The following MRGBP variants were observed in gnomAD, a reference collection of about 807,000 sequenced individuals.
MRGBP encodes MRG/MORF4L-binding protein.
Under a neutral mutation model 21.5 loss-of-function variants are expected in MRGBP, and 5 were observed. The observed-to-expected ratio is 0.23, with a 90% CI of 0.12 to 0.49. MRGBP has a LOEUF of 0.49. MRGBP is among the 20% of genes least tolerant of loss of function. The pLI is 0.98. For synonymous variants in MRGBP, 118 were observed against 104.4 expected (o/e 1.13, Z -0.79); for missense variants, 227 against 277.4 (o/e 0.82, Z 1.29).
In MRGBP at chr20:62,799,610, C is replaced by T. The variant is rs1254243814; in HGVS notation, c.582C>T (p.Ser194=). The change falls in exon 5 of 5, where the codon TCC becomes TCT. Residue 194 remains serine (S), a synonymous_variant. Transcript: ENST00000370487. ...DKVLTANSNP[S]SPSAAKRRRT is the part of the protein sequence containing the mutation. ...TCCTGACCGCAAACAGCAACCCTTC[C>T]AGTCCCAGTGCTGCCAAGCGGCGCC... is the stretch of plus-strand genomic sequence containing the variant. The T allele has an allele frequency of 3.7e-6, 6 of 1,613,352 alleles. No homozygotes were observed. The African/African-American group carries it at 5.3e-5, about 14-fold the overall frequency.
intron 2 of MRGBP, among the ~76,000 whole-genome samples, chr20:62,797,858 G>A (rs1448100796): frequency 6.6e-6 from 1 of 152,194 alleles, no homozygotes; most frequent in East Asian, 1.9e-4. Context: ...AGGCCCTGTG[G>A]CAGCAGGAGG....
rs1370777469 is a variant in MRGBP at position 62,801,222 on chromosome 20, C to G, written c.*1579C>G. The G allele has an allele frequency of 1.3e-5, 2 of 152,220 alleles. No individual in the cohort carries two copies. The highest frequency in any genetic ancestry group is 6.5e-5 in the Admixed American group (1 of 15,280). 9.4% of individuals were successfully genotyped at this position (152,220 alleles called of 1,614,324 possible). On this transcript the variant is annotated 3_prime_UTR_variant, in exon 5 of 5. Coordinates refer to ENST00000370487, the MANE Select transcript of MRGBP (RefSeq NM_018270.6). ...TCTACGGCCTGCCTGAGCTGTATTC[C>G]AAGGGTAGAGCAGCTGCCTGGGGGG...
chr20:62,798,107 C>T lies in MRGBP; in HGVS notation c.271-480C>T, dbSNP rs533946654. Among the ~76,000 whole-genome samples the T allele has an allele frequency of 7.2e-5, 11 of 152,318 alleles. No homozygotes were observed. The South Asian group carries it at 8.3e-4, about 11-fold the overall frequency. ...TCTTTGCCTGGTTCTGTGCCTGTGGCGCTCCCAACCGACACCCTCGGTGTC... is the reference window on the plus strand; with the variant it reads ...TCTTTGCCTGGTTCTGTGCCTGTGGTGCTCCCAACCGACACCCTCGGTGTC... On this transcript the variant is annotated intron_variant, in intron 2 of 4. Coordinates refer to ENST00000370487, the MANE Select transcript of MRGBP (RefSeq NM_018270.6).
At position 62,796,509 on chromosome 20, in the gene MRGBP, G is replaced by A. The variant is rs1017728704; in HGVS notation, c.-15G>A. On this transcript the variant is annotated 5_prime_UTR_variant, in exon 1 of 5. Transcript: ENST00000370487. Reference sequence around the variant, plus strand: ...TGCTCCCGCCGGGGGCTCCTTGCTCGGCCGGGCCGCGGCCATGGGAGAGGC... The same window carrying A: ...TGCTCCCGCCGGGGGCTCCTTGCTCAGCCGGGCCGCGGCCATGGGAGAGGC... 1.6e-5 allele frequency: 18 copies of A among 1,138,636 alleles called. No homozygotes were observed. Among genetic ancestry groups the A allele is most frequent in the Non-Finnish European group, 1.9e-5 (18 of 928,034 alleles). The allele number at this position is 1,138,636 out of a possible 1,614,324, so 70.5% of individuals were successfully genotyped here.
intron 1 of MRGBP, 80 bp downstream of exon 1, chr20:62,796,751 C>G (rs1259558862): frequency 1.7e-5 from 20 of 1,152,870 alleles, no homozygotes; most frequent in Non-Finnish European, 2.1e-5. Context: ...CTCGCGACAC[C>G]CTCGCCCCCA....
chr20:62,798,538 C>T (rs371337407), intron 2 of MRGBP, 49 bp from the exon 3 acceptor site: 1 of 1,520,472 alleles, frequency 6.6e-7, no homozygotes, highest in African/African-American at 1.4e-5. Flanking sequence ...CTTCTTGAAA[C>T]TGCATCTTCA....
At position 62,799,577 on chromosome 20, in the gene MRGBP, C is replaced by G. The variant is rs41279360; in HGVS notation, c.549C>G (p.Thr183=). ...GADKRKRSRV[T]DKVLTANSNP... is the part of the protein sequence containing the mutation. ...ACAAGCGGAAGCGCAGCCGGGTCAC[C>G]GACAAAGTCCTGACCGCAAACAGCA... The change falls in exon 5 of 5, where the codon ACC becomes ACG. Residue 183 remains threonine (T), a synonymous_variant. Coordinates refer to ENST00000370487, the MANE Select transcript of MRGBP (RefSeq NM_018270.6). The G allele has an allele frequency of 6.2e-7, 1 of 1,613,714 alleles. No individual in the cohort carries two copies. The highest frequency in any genetic ancestry group is 1.1e-5 in the South Asian group (1 of 91,088).
At position 62,799,679 on chromosome 20, in the gene MRGBP, G is replaced by T; in HGVS notation, c.*36G>T. ...CTGGTGGCGGCAGAGAAGCGGGCGA[G>T]GCACTGTGGTCGCTGAGGGGGTTGG... On this transcript the variant is annotated 3_prime_UTR_variant, in exon 5 of 5. Transcript: ENST00000370487. The T allele has an allele frequency of 6.3e-7, 1 of 1,584,864 alleles. No homozygotes were observed. The highest frequency in any genetic ancestry group is 8.6e-7 in the Non-Finnish European group (1 of 1,164,894).
At position 62,797,199 on chromosome 20, in the gene MRGBP, C is replaced by T; in HGVS notation, c.238C>T (p.His80Tyr). The T allele has an allele frequency of 6.2e-7, 1 of 1,602,064 alleles. No individual in the cohort carries two copies. The highest frequency in any genetic ancestry group is 8.5e-7 in the Non-Finnish European group (1 of 1,175,544). Reference protein sequence around the residue: ...RQVPSKVIWDHLSTMYDMQAL... With the variant: ...RQVPSKVIWDYLSTMYDMQAL... Reference sequence around the variant, plus strand: ...GGTCCCATCCAAGGTCATCTGGGACCATCTGAGCACCATGTACGACATGCA... The same window carrying T: ...GGTCCCATCCAAGGTCATCTGGGACTATCTGAGCACCATGTACGACATGCA... The change falls in exon 2 of 5, where the codon CAT becomes TAT. Residue 80 changes from histidine to tyrosine, a missense_variant. Transcript: ENST00000370487.
chr20:62,797,018 C>T, intron 1 of MRGBP, 92 bp from the exon 2 acceptor site: 1 of 1,330,106 alleles, frequency 7.5e-7, no homozygotes. Flanking sequence ...CCGCAGCCAC[C>T]CTTGCCCCTC....
chr20:62,797,836 G>A (rs1385689349), intron 2 of MRGBP, among the ~76,000 whole-genome samples: 1 of 152,200 alleles, frequency 6.6e-6, no homozygotes, highest in Non-Finnish European at 1.5e-5. Context: ...AGAAGAGACA[G>A]GTGGGTGTTC....
chr20:62,799,472 G>A lies in MRGBP; in HGVS notation c.444G>A (p.Gly148=). 1 of 1,612,084 alleles carries A rather than the reference G, an allele frequency of 6.2e-7. No homozygotes were observed. The highest frequency in any genetic ancestry group is 8.5e-7 in the Non-Finnish European group (1 of 1,179,130). The part of the protein sequence containing the change: ...NGADDVFSSS[G]SLGKASEKSS... ...GTTTCTCAGTTTTTTCATCTTCAGGGAGTTTGGGGAAAGCATCAGAAAAAT... is the reference window on the plus strand; with the variant it reads ...GTTTCTCAGTTTTTTCATCTTCAGGAAGTTTGGGGAAAGCATCAGAAAAAT... The change falls in exon 5 of 5, where the codon GGG becomes GGA. Residue 148 remains glycine, a synonymous_variant. Transcript: ENST00000370487.
chr20:62,800,531 C>T lies in MRGBP; in HGVS notation c.*888C>T, dbSNP rs190972715. 6.6e-6 allele frequency: 1 copy of T among 152,242 alleles called. No homozygotes were observed. The highest frequency in any genetic ancestry group is 1.5e-5 in the Non-Finnish European group (1 of 68,022). The allele number at this position is 152,242 out of a possible 1,614,324, so 9.4% of individuals were successfully genotyped here. ...TGTCGGCTGATGAGGAGGCGGCCGCCCCAGTGCTGATGGAGATGCCACTTT... is the reference window on the plus strand; with the variant it reads ...TGTCGGCTGATGAGGAGGCGGCCGCTCCAGTGCTGATGGAGATGCCACTTT... On this transcript the variant is annotated 3_prime_UTR_variant, in exon 5 of 5. Coordinates refer to ENST00000370487, the MANE Select transcript of MRGBP (RefSeq NM_018270.6).
Position 62,797,783 on chromosome 20 carries a change from C to G in MRGBP, c.270+552C>G, listed in dbSNP as rs573563519. Reference sequence around the variant, plus strand: ...GTCCTCGCAGAGCTTGGAGCTGGCACTGTGTGACGGGCGAGCGGGTTAACT... The same window carrying G: ...GTCCTCGCAGAGCTTGGAGCTGGCAGTGTGTGACGGGCGAGCGGGTTAACT... On this transcript the variant is annotated intron_variant, in intron 2 of 4. Coordinates refer to ENST00000370487, the MANE Select transcript of MRGBP (RefSeq NM_018270.6). Among the ~76,000 whole-genome samples the G allele has an allele frequency of 1.2e-3, 184 of 152,364 alleles. 1 individual carries two copies. The highest frequency in any genetic ancestry group is 4.3e-3 in the African/African-American group (179 of 41,590).
At position 62,799,034 on chromosome 20, in the gene MRGBP, A is replaced by G. The variant is rs1045652602; in HGVS notation, c.412A>G (p.Asn138Asp). ...GATGAAGGAAGACGTGGACCCCCAC[A>G]ATGGGGCTGACGATGGTGAGTGTGG... is the stretch of plus-strand genomic sequence containing the variant. The part of the protein sequence containing the change: ...EEMKEDVDPH[N>D]GADDVFSSSG... The change falls in exon 4 of 5, where the codon AAT (asparagine) becomes GAT (aspartate). Residue 138 changes from asparagine to aspartate, a missense_variant. Asn to Asp is a conservative substitution (Grantham distance 23). This residue lies in a region of MRGBP where 162 missense variants were observed against 227.7 expected (regional missense o/e 0.71). Transcript: ENST00000370487. The G allele has an allele frequency of 6.2e-7, 1 of 1,612,734 alleles. No homozygotes were observed.
In MRGBP at chr20:62,801,712, A is replaced by T. The variant is rs997851793; in HGVS notation, c.*2069A>T. 1 of 152,370 alleles carries T rather than the reference A, an allele frequency of 6.6e-6. No individual in the cohort carries two copies. Among genetic ancestry groups the T allele is most frequent in the Middle Eastern group, 3.4e-3 (1 of 294 alleles). 9.4% of individuals were successfully genotyped at this position (152,370 alleles called of 1,614,324 possible). ...ATTGTGCTAGGAAAGCCTAGTTAAT[A>T]AATCTGCCTCATCTCGATTACTGTA... On this transcript the variant is annotated 3_prime_UTR_variant, in exon 5 of 5. Transcript: ENST00000370487.
At chr20:62,798,843 T>C in intron 3 of MRGBP, 132 bp from the exon 4 acceptor site, 7 of 1,573,340 alleles carry the variant, frequency 4.4e-6, no homozygotes, top group Non-Finnish European at 6.0e-6. Flanking sequence ...AGGACTTTGT[T>C]TGAGAGCAGT....
At position 62,799,593 on chromosome 20, in the gene MRGBP, G is replaced by C. The variant is rs780471228; in HGVS notation, c.565G>C (p.Ala189Pro). 4 of 1,613,598 alleles carry C rather than the reference G, an allele frequency of 2.5e-6. No individual in the cohort carries two copies. The highest frequency in any genetic ancestry group is 3.4e-6 in the Non-Finnish European group (4 of 1,179,988). Residue 189 changes from alanine to proline, a missense_variant, in exon 5 of 5, where the codon GCA becomes CCA. By Grantham distance (27) the Ala-to-Pro change is conservative. This residue lies in a region of MRGBP where 162 missense variants were observed against 227.7 expected (regional missense o/e 0.71). Transcript: ENST00000370487. ...RSRVTDKVLT[A>P]NSNPSSPSAA... ...CCGGGTCACCGACAAAGTCCTGACC[G>C]CAAACAGCAACCCTTCCAGTCCCAG...
intron 2 of MRGBP, among the ~76,000 whole-genome samples, chr20:62,797,756 C>G (rs932377930): frequency 2.6e-5 from 4 of 152,240 alleles, no homozygotes; most frequent in African/African-American, 9.6e-5. Context: ...AGTAGAGTTC[C>G]AGTCCTCGCA....
Sources: allele counts gnomAD v4.1 joint callset (sites outside exome capture counted in the v4.1 genomes callset), GRCh38; gene constraint gnomAD v4.1.1; regional missense constraint gnomAD v4.1.1; transcripts MANE v1.5; gene names NCBI Gene and HGNC (gene_info 2026-07-23, HGNC 2026-07-21).